The following WNT9B variants were observed in gnomAD, a reference collection of about 807,000 sequenced individuals.
WNT9B encodes the protein Wnt family member 9B.
A neutral mutation model predicts 30.2 loss-of-function variants in WNT9B; 12 were observed. The observed-to-expected ratio is 0.40, with a 90% confidence interval of 0.26 to 0.64. The LOEUF (loss-of-function observed/expected upper bound fraction) is 0.64. WNT9B is among the 30% of genes least tolerant of loss of function. The probability of loss-of-function intolerance (pLI) is 0.42; values close to 1 mark genes in which losing one functional copy is unlikely to be tolerated. For synonymous variants in WNT9B, 218 were observed against 216.9 expected (o/e 1.01, Z -0.05); for missense variants, 442 against 485.2 (o/e 0.91, Z 0.84).
In WNT9B at chr17:46,877,511, A is replaced by T. The variant is rs569026975; in HGVS notation, c.*793A>T. Among the ~76,000 whole-genome samples, 399 of 152,228 alleles carry T rather than the reference A, an allele frequency of 2.6e-3. 3 individuals are homozygous for T. Among genetic ancestry groups the T allele is most frequent in the African/African-American group, 9.3e-3 (386 of 41,532 alleles). ...TGGGAGAACTAGCCACCAAGGCGGG[A>T]CTCAGTGCACCTGAGGTTGAACAGG... On this transcript the variant is annotated 3_prime_UTR_variant, in exon 4 of 4. Coordinates refer to ENST00000290015, the MANE Select transcript of WNT9B (RefSeq NM_003396.3).
chr17:46,884,003 G>A (rs1438177101), downstream of WNT9B, among the ~76,000 whole-genome samples: 1 of 151,876 alleles, frequency 6.6e-6, no homozygotes, highest in Non-Finnish European at 1.5e-5. Context: ...CTGCCCCACC[G>A]TCCTCCCGCC....
intron 1 of WNT9B, among the ~76,000 whole-genome samples, chr17:46,852,992 C>T (rs952339977): frequency 6.6e-6 from 1 of 152,166 alleles, no homozygotes; most frequent in African/African-American, 2.4e-5. Context: ...GGGAAGACCA[C>T]TCAGTCTCTG....
At chr17:46,867,412 G>T (rs1320251283) in intron 1 of WNT9B, among the ~76,000 whole-genome samples, 1 of 152,224 alleles carries the variant, frequency 6.6e-6, no homozygotes, top group Non-Finnish European at 1.5e-5. Context: ...AGGTGTATTT[G>T]TTTGATGGAA....
chr17:46,833,339 C>T (rs919595845), exon 1 of WNT9B: 5 of 517,560 alleles, frequency 9.7e-6, no homozygotes, highest in Admixed American at 5.8e-5. Flanking sequence ...CTTCTTGTAT[C>T]AATTGCATGA....
chr17:46,837,949 G>T (rs1281573229), intron 1 of WNT9B, among the ~76,000 whole-genome samples: 3 of 152,174 alleles, frequency 2.0e-5, no homozygotes, highest in African/African-American at 4.8e-5. Context: ...ACTCAGAGGG[G>T]CTTCATGGGT....
intron 1 of WNT9B, among the ~76,000 whole-genome samples, chr17:46,845,049 A>G (rs1431763279): frequency 6.6e-6 from 1 of 152,148 alleles, no homozygotes; most frequent in Middle Eastern, 3.2e-3. Context: ...GGGTTTCACC[A>G]TGTTGACCAG....
At chr17:46,866,746 C>T (rs2085146077) in intron 1 of WNT9B, among the ~76,000 whole-genome samples, 1 of 152,104 alleles carries the variant, frequency 6.6e-6, no homozygotes, top group Non-Finnish European at 1.5e-5. Context: ...GACACACTGG[C>T]ATTACCTGGT....
In WNT9B at chr17:46,866,551, G is replaced by A. The variant is rs116758884; in HGVS notation, c.78-5966G>A. On this transcript the variant is annotated intron_variant, in intron 1 of 3. Coordinates refer to ENST00000290015, the MANE Select transcript of WNT9B (RefSeq NM_003396.3). ...AGACGTTTGAGATGAAAGCACAAAG[G>A]GCGCACTCACCATGCAAATGGCCTT... 8.2e-3 allele frequency among the ~76,000 whole-genome samples: 1,254 copies of A among 152,138 alleles called. 17 individuals are homozygous for A. Among genetic ancestry groups the A allele is most frequent in the African/African-American group, 0.028 (1,175 of 41,498 alleles).
At chr17:46,868,301 C>G (rs1380494157) in intron 1 of WNT9B, among the ~76,000 whole-genome samples, 1 of 152,148 alleles carries the variant, frequency 6.6e-6, no homozygotes, top group African/African-American at 2.4e-5. Flanking sequence ...CATTAAGACC[C>G]CCATATTTGG....
At chr17:46,838,009 T>G (rs1371519683) in intron 1 of WNT9B, among the ~76,000 whole-genome samples, 3 of 151,784 alleles carry the variant, frequency 2.0e-5, no homozygotes, top group Non-Finnish European at 4.4e-5. Context: ...CCCAAGGGAG[T>G]GAGCAGGTAC....
At position 46,876,609 on chromosome 17, in the gene WNT9B, C is replaced by T; in HGVS notation, c.965C>T (p.Thr322Ile). 2 of 1,612,144 alleles carry T rather than the reference C, an allele frequency of 1.2e-6. No individual in the cohort carries two copies. The highest frequency in any genetic ancestry group is 1.7e-6 in the Non-Finnish European group (2 of 1,178,956). The change falls in exon 4 of 4, where the codon ACC becomes ATC. Residue 322 changes from threonine to isoleucine, a missense_variant. Thr to Ile is a moderately conservative substitution (Grantham distance 89, BLOSUM62 -1). Transcript: ENST00000290015. ...CTGTGCTGCGGGCGGGGCTATGACA[C>T]CCAGAGCCGCCTGGTGGCCTTCTCC... ...SSLCCGRGYD[T>I]QSRLVAFSCH...
chr17:46,839,491 C>T (rs2084673804), intron 1 of WNT9B, among the ~76,000 whole-genome samples: 2 of 152,290 alleles, frequency 1.3e-5, no homozygotes, highest in East Asian at 3.9e-4. Context: ...GTCAAGGCAG[C>T]CATGACTGCC....
Position 46,878,940 on chromosome 17 carries a change from C to T in WNT9B, c.*2222C>T, listed in dbSNP as rs939213892. On this transcript the variant is annotated 3_prime_UTR_variant, in exon 4 of 4. Coordinates refer to ENST00000290015, the MANE Select transcript of WNT9B (RefSeq NM_003396.3). The stretch of plus-strand genomic sequence containing the variant: ...CTTCTCTGTCTGTCTCTCTCCCTCT[C>T]TTCTTCCTTGCTCTCATCCCTTTCT... Among the ~76,000 whole-genome samples, 1 of 152,286 alleles carries T rather than the reference C, an allele frequency of 6.6e-6. No homozygotes were observed. The highest frequency in any genetic ancestry group is 2.1e-4 in the South Asian group (1 of 4,812).
intron 1 of WNT9B, among the ~76,000 whole-genome samples, chr17:46,858,832 A>G (rs1445179720): frequency 6.6e-6 from 1 of 151,902 alleles, no homozygotes; most frequent in African/African-American, 2.4e-5. Context: ...ACGCCCAGCT[A>G]ATTTTTTATT....
At chr17:46,883,835 C>A (rs911171769), downstream of WNT9B, among the ~76,000 whole-genome samples, 1 of 152,160 alleles carries the variant, frequency 6.6e-6, no homozygotes, top group Non-Finnish European at 1.5e-5. Context: ...CCCTGCATAC[C>A]GCAAAGAGGA....
intron 1 of WNT9B, among the ~76,000 whole-genome samples, chr17:46,861,161 C>T (rs1411155109): frequency 6.6e-6 from 1 of 152,230 alleles, no homozygotes; most frequent in Non-Finnish European, 1.5e-5. Flanking sequence ...CCCTCTGAGC[C>T]CCGACCCTGT....
chr17:46,837,666 C>T (rs532029971), intron 1 of WNT9B, among the ~76,000 whole-genome samples: 2 of 152,310 alleles, frequency 1.3e-5, no homozygotes, highest in African/African-American at 4.8e-5. Flanking sequence ...GCTGGGAACA[C>T]AGGAAGGTGG....
At chr17:46,844,305 C>CTT (rs34889221) in intron 1 of WNT9B, among the ~76,000 whole-genome samples, 15,647 of 126,662 alleles carry the variant, frequency 0.12, 1,215 homozygotes, top group East Asian at 0.3. Flanking sequence ...AGTTAGCCAC[C>CTT]TTTTTTTTTT....
intron 2 of WNT9B, 137 bp downstream of exon 2, chr17:46,872,910 C>A: frequency 9.1e-7 from 1 of 1,104,330 alleles, no homozygotes; most frequent in Non-Finnish European, 1.2e-6. Context: ...TAGCACGGTC[C>A]CAAATGAGAA....
Sources: gnomAD v4.1 joint callset for allele counts (sites outside exome capture counted in the v4.1 genomes callset) on GRCh38, gnomAD v4.1.1 for gene constraint, MANE v1.5 for transcripts, NCBI Gene and HGNC (gene_info 2026-07-23, HGNC 2026-07-21) for gene names.